The following MYO18A variants were observed in gnomAD, a reference collection of about 807,000 sequenced individuals.
The protein encoded by MYO18A is myosin XVIIIA, also known as unconventional myosin-XVIIIa.
MYO18A carries 78 observed loss-of-function variants against 235.8 expected under a neutral mutation model. The observed-to-expected ratio is 0.33, with a 90% CI of 0.28 to 0.40. The LOEUF is 0.40. MYO18A is among the 10% of genes least tolerant of loss of function. The probability of loss-of-function intolerance (pLI) is 1.00; values close to 1 mark genes in which losing one functional copy is unlikely to be tolerated. For synonymous variants in MYO18A, 977 were observed against 1,077.8 expected (o/e 0.91, Z 1.83); for missense variants, 2,215 against 2,699.3 (o/e 0.82, Z 3.98).
chr17:29,090,039 C>T lies in MYO18A; in HGVS notation c.5448G>A (p.Leu1816=), dbSNP rs1054687862. 6.2e-7 allele frequency: 1 copy of T among 1,613,964 alleles called. No homozygotes were observed. The highest frequency in any genetic ancestry group is 8.5e-7 in the Non-Finnish European group (1 of 1,179,850). ...GTATCTTAGCTTCCTGCCTGCTCACCAGGGACTTGTCCACCATGGACTGCT... is the reference window on the plus strand; with the variant it reads ...GTATCTTAGCTTCCTGCCTGCTCACTAGGGACTTGTCCACCATGGACTGCT... ...FLEQSMVDKS[L]VSRQEAKIRE... is the part of the protein sequence containing the mutation. The change falls in exon 37 of 42, where the codon CTG becomes CTA. Residue 1816 remains leucine, a synonymous_variant. Coordinates refer to ENST00000527372, the MANE Select transcript of MYO18A (RefSeq NM_078471.4).
intron 2 of MYO18A, among the ~76,000 whole-genome samples, chr17:29,141,991 C>CTGGA (rs887649504): frequency 1.2e-4 from 19 of 152,196 alleles, no homozygotes; most frequent in Admixed American, 6.5e-5. Flanking sequence ...GTCGCCCAGG[C>CTGGA]TGGAGTGCAG....
intron 30 of MYO18A, 110 bp from the exon 31 acceptor site, chr17:29,094,200 G>T (rs2066467697): frequency 1.1e-5 from 8 of 753,088 alleles, no homozygotes; most frequent in Admixed American, 2.5e-5. Context: ...CCACCAGCCA[G>T]TTCCCTTTGC....
intron 21 of MYO18A, among the ~76,000 whole-genome samples, chr17:29,101,853 C>T (rs1341077865): frequency 6.6e-6 from 1 of 152,062 alleles, no homozygotes; most frequent in Non-Finnish European, 1.5e-5. Context: ...GGTTAAGGGT[C>T]CTTTTGGGTA....
chr17:29,093,726 G>A (rs1190269725), intron 31 of MYO18A, among the ~76,000 whole-genome samples: 4 of 152,122 alleles, frequency 2.6e-5, no homozygotes, highest in African/African-American at 4.8e-5. Flanking sequence ...CCAGTGCAGC[G>A]CAGCACAGCA....
chr17:29,117,166 A>C lies in MYO18A; in HGVS notation c.2039-711T>G, dbSNP rs2067092716. Among the ~76,000 whole-genome samples, 1 of 151,896 alleles carries C rather than the reference A, an allele frequency of 6.6e-6. No individual in the cohort carries two copies. Among genetic ancestry groups the C allele is most frequent in the African/African-American group, 2.4e-5 (1 of 41,372 alleles). On this transcript the variant is annotated intron_variant, in intron 10 of 41. Transcript: ENST00000527372. This position sits in a 1 kb window ranked among gnomAD's most constrained non-coding sequence, Gnocchi z 4.6. ...CAGCGCCAGCATCCCCTTTCCCTAA[A>C]CTGGAGAAAAAGGGGGTGAAGAGGT...
chr17:29,082,671 A>T (rs1246412171), intron 40 of MYO18A, among the ~76,000 whole-genome samples: 2 of 152,040 alleles, frequency 1.3e-5, no homozygotes, highest in Non-Finnish European at 2.9e-5. Context: ...CCTCAGGAGC[A>T]TGGAGGCAGC....
At chr17:29,138,274 T>A (rs1343495705) in intron 2 of MYO18A, among the ~76,000 whole-genome samples, 1 of 151,702 alleles carries the variant, frequency 6.6e-6, no homozygotes, top group Admixed American at 6.6e-5. Flanking sequence ...CAGGTAACTC[T>A]CAAGAGAGTG....
intron 40 of MYO18A, among the ~76,000 whole-genome samples, chr17:29,083,506 CCACACAGGCATGTGTGCGCGCGCGCG>C (rs1174846646): frequency 5.3e-5 from 4 of 75,952 alleles, no homozygotes; most frequent in South Asian, 4.3e-4. Flanking sequence ...AAATAAACAG[CCACACAGGCATGTGTGCGCGCGCGCG>C]CACACACACA....
At chr17:29,128,061 C>G (rs1006940482) in intron 2 of MYO18A, 4 of 1,015,264 alleles carry the variant, frequency 3.9e-6, no homozygotes, top group South Asian at 3.5e-5. Context: ...GGCTTCTCCC[C>G]CTTCCCAGAA....
At chr17:29,093,511 C>T in intron 31 of MYO18A, 84 bp from the exon 32 acceptor site, 2 of 1,036,532 alleles carry the variant, frequency 1.9e-6, no homozygotes, top group South Asian at 1.4e-5. Flanking sequence ...GTTCCCCACT[C>T]CAGGAAAACA....
chr17:29,103,766 T>C, intron 20 of MYO18A, 102 bp from the exon 21 acceptor site: 1 of 1,140,124 alleles, frequency 8.8e-7, no homozygotes, highest in East Asian at 2.4e-5. Context: ...TCCTAGACAG[T>C]CTGTTATTCA....
intron 41 of MYO18A, chr17:29,080,874 G>A (rs1210923735): frequency 1.1e-5 from 11 of 985,274 alleles, no homozygotes; most frequent in African/African-American, 1.7e-5. Context: ...CGCTCAGGGA[G>A]GTGAAGAGCG....
At chr17:29,082,516 G>T in intron 40 of MYO18A, 78 bp from the exon 41 acceptor site, 1 of 1,489,970 alleles carries the variant, frequency 6.7e-7, no homozygotes, top group Non-Finnish European at 9.1e-7. Context: ...GGGGTGCAGG[G>T]GGTGTCTTGG....
chr17:29,080,043 G>GCTGCTCCTT (rs1433410458), intron 41 of MYO18A: 3 of 985,896 alleles, frequency 3.0e-6, no homozygotes, highest in East Asian at 1.1e-4. Flanking sequence ...TGGAGCTGGA[G>GCTGCTCCTT]CTGCTCCTTC....
intron 2 of MYO18A, among the ~76,000 whole-genome samples, chr17:29,151,745 A>G (rs907634950): frequency 6.6e-6 from 1 of 152,204 alleles, no homozygotes; most frequent in South Asian, 2.1e-4. Flanking sequence ...GGCTTCCCCA[A>G]GCCACCCGCT....
At position 29,176,035 on chromosome 17, in the gene MYO18A, G is replaced by A. The variant is rs559905689; in HGVS notation, c.-82+4278C>T. On this transcript the variant is annotated intron_variant, in intron 1 of 41. Coordinates refer to ENST00000527372, the MANE Select transcript of MYO18A (RefSeq NM_078471.4). The stretch of plus-strand genomic sequence containing the variant: ...ATTGCGCCACTGCACTCCAGCCTGG[G>A]TGACAGAGCGAGACTCCTTCTCAAA... Among the ~76,000 whole-genome samples the A allele has an allele frequency of 2.0e-5, 3 of 152,280 alleles. No individual in the cohort carries two copies. The South Asian group carries it at 6.2e-4, about 32-fold the overall frequency.
In MYO18A at chr17:29,110,616, G is replaced by T; in HGVS notation, c.2907C>A (p.Ile969=). Residue 969 remains isoleucine (I), a synonymous_variant, in exon 18 of 42, where the codon ATC becomes ATA. Coordinates refer to ENST00000527372, the MANE Select transcript of MYO18A (RefSeq NM_078471.4). ...PRLLQDSQKK[I]ISNLFLGRAG... is the part of the protein sequence containing the mutation. ...CGCGGCCCAGAAACAGGTTGCTGATGATTTTTCTGCCAGAGGTGGGAGGAT... is the reference window on the plus strand; with the variant it reads ...CGCGGCCCAGAAACAGGTTGCTGATTATTTTTCTGCCAGAGGTGGGAGGAT... The T allele has an allele frequency of 1.2e-6, 2 of 1,602,602 alleles. No individual in the cohort carries two copies. The highest frequency in any genetic ancestry group is 1.1e-5 in the South Asian group (1 of 90,408).
At chr17:29,114,552 G>C (rs1451977576) in intron 14 of MYO18A, among the ~76,000 whole-genome samples, 1 of 152,164 alleles carries the variant, frequency 6.6e-6, no homozygotes, top group East Asian at 1.9e-4. Context: ...TCATCACCTG[G>C]CACCCTCACA....
At position 29,140,344 on chromosome 17, in the gene MYO18A, A is replaced by ATGGCC; in HGVS notation, c.1000-18096_1000-18092dup. The ATGGCC allele has an allele frequency of 7.8e-7, 1 of 1,275,128 alleles. No individual in the cohort carries two copies. The highest frequency in any genetic ancestry group is 5.8e-5 in the East Asian group (1 of 17,240). The allele number at this position is 1,275,128 out of a possible 1,614,324, so 79.0% of individuals were successfully genotyped here. A position where few individuals can be genotyped will look rare whatever the true frequency, so the allele number is the denominator to read the frequency against. On this transcript the variant is annotated intron_variant, in intron 2 of 41. Coordinates refer to ENST00000527372, the MANE Select transcript of MYO18A (RefSeq NM_078471.4). The surrounding 1 kb of genome is among the most constrained non-coding windows in gnomAD (Gnocchi z 4.2). ...GGGGGTCAGAGGGACACTCACCCGC[A>ATGGCC]TGGCCTGGCCTGGAGCAGCCCAGAG...
Sources: allele counts gnomAD v4.1 joint callset (sites outside exome capture counted in the v4.1 genomes callset), GRCh38; gene constraint gnomAD v4.1.1; non-coding constraint Gnocchi (gnomAD v3.1); transcripts MANE v1.5; gene names NCBI Gene and HGNC (gene_info 2026-07-23, HGNC 2026-07-21).